Variants in SLC6A17 observed in about 807,000 individuals in gnomAD.
SLC6A17 encodes the protein solute carrier family 6 member 17, also known as sodium-dependent neutral amino acid transporter SLC6A17.
In SLC6A17, 21 loss-of-function variants were observed where a neutral mutation model predicts 64.5. The ratio of observed to expected loss-of-function variants is 0.33; its 90% CI spans 0.23 to 0.47. The LOEUF (loss-of-function observed/expected upper bound fraction) is 0.47, where lower values mean the gene tolerates loss of function less well. SLC6A17 is among the 20% of genes least tolerant of loss of function. SLC6A17 has a pLI of 1.00. For synonymous variants in SLC6A17, 372 were observed against 399.5 expected (o/e 0.93, Z 0.82); for missense variants, 682 against 963.2 (o/e 0.71, Z 3.86).
chr1:110,161,683 C>T lies in SLC6A17; in HGVS notation c.-87-5160C>T, dbSNP rs79792481. On this transcript the variant is annotated intron_variant, in intron 1 of 11. Coordinates refer to ENST00000331565, the MANE Select transcript of SLC6A17 (RefSeq NM_001010898.4). ...TTGTCCCTTGAGTTACCTGAACCTT[C>T]CCCAGCAAGAAACACCCCAGGCCCA... Among the ~76,000 whole-genome samples, 1,013 of 152,270 alleles carry T rather than the reference C, an allele frequency of 6.7e-3. 16 individuals are homozygous for T. The highest frequency in any genetic ancestry group is 0.023 in the African/African-American group (956 of 41,532).
At position 110,156,286 on chromosome 1, in the gene SLC6A17, A is replaced by G. The variant is rs372591538; in HGVS notation, c.-88+5403A>G. ...AAATGGTGGTAGATGAGCTCAGTCC[A>G]CTGTTGACTTCCTGAATGTATCATT... On this transcript the variant is annotated intron_variant, in intron 1 of 11. Coordinates refer to ENST00000331565, the MANE Select transcript of SLC6A17 (RefSeq NM_001010898.4). Among the ~76,000 whole-genome samples, 6 of 152,294 alleles carry G rather than the reference A, an allele frequency of 3.9e-5. 1 individual carries two copies. The highest frequency in any genetic ancestry group is 1.4e-4 in the African/African-American group (6 of 41,568).
chr1:110,173,932 T>A, intron 3 of SLC6A17, 41 bp from the exon 4 acceptor site: 1 of 1,585,440 alleles, frequency 6.3e-7, no homozygotes, highest in South Asian at 1.2e-5. Context: ...AGGGTGGAGT[T>A]GCCTGCAGCC....
intron 6 of SLC6A17, among the ~76,000 whole-genome samples, chr1:110,189,024 C>T (rs1184619791): frequency 1.3e-5 from 2 of 152,196 alleles, no homozygotes; most frequent in Non-Finnish European, 2.9e-5. Flanking sequence ...CCTTCTCTGA[C>T]TCCCTTTCAG....
chr1:110,186,386 C>G (rs909409065), intron 6 of SLC6A17, among the ~76,000 whole-genome samples: 2 of 139,904 alleles, frequency 1.4e-5, no homozygotes, highest in African/African-American at 2.7e-5. Context: ...TTGGGTCTCA[C>G]AGGTAGTCTG....
intron 5 of SLC6A17, among the ~76,000 whole-genome samples, chr1:110,176,241 G>A (rs949889860): frequency 2.0e-5 from 3 of 152,154 alleles, no homozygotes; most frequent in Middle Eastern, 3.4e-3. Flanking sequence ...AAGGTCTTCC[G>A]TCAAAGGAGC....
chr1:110,163,832 G>A (rs1007543049), intron 1 of SLC6A17, among the ~76,000 whole-genome samples: 4 of 152,220 alleles, frequency 2.6e-5, no homozygotes, highest in Admixed American at 1.3e-4. Context: ...TCTGCTGTTC[G>A]CTCTGCCAAT....
chr1:110,172,328 A>C (rs1402806116), intron 3 of SLC6A17, 111 bp downstream of exon 3: 6 of 1,326,474 alleles, frequency 4.5e-6, no homozygotes, highest in Non-Finnish European at 5.0e-6. Context: ...GGACAAGGGC[A>C]GGGAGGGGGA....
At position 110,192,920 on chromosome 1, in the gene SLC6A17, C is replaced by T. The variant is rs1012606742; in HGVS notation, c.1299+222C>T. On this transcript the variant is annotated intron_variant, in intron 8 of 11. Coordinates refer to ENST00000331565, the MANE Select transcript of SLC6A17 (RefSeq NM_001010898.4). The surrounding 1 kb of genome is among the most constrained non-coding windows in gnomAD (Gnocchi z 4.3). The stretch of plus-strand genomic sequence containing the variant: ...GAGCCTAGACAAGAAGTAGGGCAGA[C>T]ACACACCTCTCAGAAGTCACAGTAA... Among the ~76,000 whole-genome samples, 6 of 152,228 alleles carry T rather than the reference C, an allele frequency of 3.9e-5. No homozygotes were observed. Among genetic ancestry groups the T allele is most frequent in the Non-Finnish European group, 8.8e-5 (6 of 68,032 alleles).
intron 1 of SLC6A17, among the ~76,000 whole-genome samples, chr1:110,154,857 A>G (rs1655713728): frequency 6.6e-6 from 1 of 152,202 alleles, no homozygotes; most frequent in Admixed American, 6.5e-5. Context: ...AGAGAAAACT[A>G]CTAACACTTC....
chr1:110,195,050 G>A lies in SLC6A17; in HGVS notation c.1492+279G>A, dbSNP rs78217354. 2,161 of 495,938 alleles carry A rather than the reference G, an allele frequency of 4.4e-3. 29 individuals carry two copies. The highest frequency in any genetic ancestry group is 0.038 in the African/African-American group (1,983 of 51,650). The allele number at this position is 495,938 out of a possible 1,614,324, so 30.7% of individuals were successfully genotyped here. On this transcript the variant is annotated intron_variant, in intron 9 of 11. Transcript: ENST00000331565. ...CCTCTCCCCAAGGGCCTGCTGAGTC[G>A]TCTTGGGAAGTGGGTGCTGAGTCGT...
rs753277120 is a variant in SLC6A17 at position 110,195,765 on chromosome 1, A to G, written c.1652+20A>G. 19 of 1,613,742 alleles carry G rather than the reference A, an allele frequency of 1.2e-5. No homozygotes were observed. Among genetic ancestry groups the G allele is most frequent in the African/African-American group, 2.7e-5 (2 of 74,924 alleles). ...CAAGAAGTAAGAGGAACATGGGGGA[A>G]AGGTGGGATGGGAGGAGGGGTCTGT... On this transcript the variant is annotated intron_variant, in intron 10 of 11. Coordinates refer to ENST00000331565, the MANE Select transcript of SLC6A17 (RefSeq NM_001010898.4).
chr1:110,165,608 C>G (rs1656027705), intron 1 of SLC6A17, among the ~76,000 whole-genome samples: 1 of 152,204 alleles, frequency 6.6e-6, no homozygotes, highest in East Asian at 1.9e-4. Flanking sequence ...GTAACAGGGC[C>G]TGGCTGGCAG....
rs1466284109 is a variant in SLC6A17, at chr1:110,174,867, TG to T, written c.665del (p.Gly222AlafsTer6). On this transcript the variant is annotated frameshift_variant, in exon 5 of 12. Coordinates refer to ENST00000331565, the MANE Select transcript of SLC6A17 (RefSeq NM_001010898.4). LOFTEE classifies it high-confidence loss of function. ...LDISDSISES[G>X]GLNWKMTLCL... ...ACATCTCTGACTCCATCTCGGAGAG[TG>T]GGGGCCTCAACTGGAAGATGACCCT... The T allele has an allele frequency of 6.2e-7, 1 of 1,613,660 alleles. No individual in the cohort carries two copies. Among genetic ancestry groups the T allele is most frequent in the Non-Finnish European group, 8.5e-7 (1 of 1,179,906 alleles).
chr1:110,187,609 A>T (rs1462857379), intron 6 of SLC6A17, among the ~76,000 whole-genome samples: 3 of 152,204 alleles, frequency 2.0e-5, no homozygotes, highest in Non-Finnish European at 4.4e-5. Flanking sequence ...AAATTTCATA[A>T]TTCTTCCTAG....
At position 110,172,129 on chromosome 1, in the gene SLC6A17, C is replaced by T. The variant is rs748306005; in HGVS notation, c.356C>T (p.Ala119Val). The T allele has an allele frequency of 1.2e-6, 2 of 1,614,040 alleles. No homozygotes were observed. The highest frequency in any genetic ancestry group is 1.7e-6 in the Non-Finnish European group (2 of 1,179,970). Residue 119 changes from alanine (A) to valine (V), a missense_variant, in exon 3 of 12, where the codon GCT becomes GTT. Ala to Val is a moderately conservative substitution (Grantham distance 64). This residue lies in a region of SLC6A17 where 415 missense variants were observed against 603.8 expected (regional missense o/e 0.69). Transcript: ENST00000331565. ...IGIPLFFLELAVGQRIRRGSI... is the reference protein window; with the variant it reads ...IGIPLFFLELVVGQRIRRGSI... The stretch of plus-strand genomic sequence containing the variant: ...ATCCCCCTCTTCTTCCTGGAGCTGG[C>T]TGTGGGTCAGAGGATCCGCCGCGGC...
At chr1:110,191,128 A>G (rs1656815684) in intron 6 of SLC6A17, among the ~76,000 whole-genome samples, 1 of 152,192 alleles carries the variant, frequency 6.6e-6, no homozygotes, top group Admixed American at 6.5e-5. Context: ...CCTTTTCTTC[A>G]GATGAGTAAT....
chr1:110,191,354 G>A (rs550096345), intron 6 of SLC6A17, among the ~76,000 whole-genome samples: 13 of 152,326 alleles, frequency 8.5e-5, no homozygotes, highest in East Asian at 3.9e-4. Context: ...GTTGCAGTTC[G>A]GGCTCCTGTC....
At chr1:110,160,993 G>A (rs1234441622) in intron 1 of SLC6A17, among the ~76,000 whole-genome samples, 2 of 152,162 alleles carry the variant, frequency 1.3e-5, no homozygotes, top group African/African-American at 2.4e-5. Context: ...ACAGAGCTGA[G>A]CACGCCTACA....
rs1657073560 is a variant in SLC6A17 at position 110,199,852 on chromosome 1, G to C, written c.*1408G>C. On this transcript the variant is annotated 3_prime_UTR_variant, in exon 12 of 12. Transcript: ENST00000331565. ...ATGTCTGCAGAGAGATGGATGGATG[G>C]ATGGATAGATGGATGGATGGGTTGG... 4 of 390,456 alleles carry C rather than the reference G, an allele frequency of 1.0e-5. No individual in the cohort carries two copies. In the South Asian group the frequency reaches 4.4e-4, roughly 43 times the overall value. The allele number at this position is 390,456 out of a possible 1,614,324, so 24.2% of individuals were successfully genotyped here. A position where few individuals can be genotyped will look rare whatever the true frequency, so the allele number is the denominator to read the frequency against.
Sources: allele counts gnomAD v4.1 joint callset (sites outside exome capture counted in the v4.1 genomes callset), GRCh38; gene constraint gnomAD v4.1.1; regional missense constraint gnomAD v4.1.1; non-coding constraint Gnocchi (gnomAD v3.1); transcripts MANE v1.5; gene names NCBI Gene and HGNC (gene_info 2026-07-23, HGNC 2026-07-21).